Variants in IQCJ observed in about 807,000 individuals in gnomAD.
The protein encoded by IQCJ is IQ motif containing J.
Under a neutral mutation model 11.0 loss-of-function variants are expected in IQCJ, and 9 were observed. The ratio of observed to expected loss-of-function variants is 0.82; its 90% CI spans 0.49 to 1.43. The LOEUF is 1.43. Among genes scored for constraint, IQCJ ranks in the 40% most tolerant of loss-of-function variants. IQCJ has a pLI of 0.00. For missense variants in IQCJ, 146 were observed against 133.2 expected, an observed-to-expected ratio of 1.10 and a Z score of -0.47; for synonymous variants, 55 against 51.3, an observed-to-expected ratio of 1.07 and a Z score of -0.31.
chr3:159,135,842 A>G (rs1380004823), intron 1 of IQCJ, among the ~76,000 whole-genome samples: 1 of 152,196 alleles, frequency 6.6e-6, no homozygotes, highest in Non-Finnish European at 1.5e-5. Context: ...ACCCACATTC[A>G]TGCTTGGTGG....
chr3:159,092,454 C>T, intron 1 of IQCJ, among the ~76,000 whole-genome samples: 1 of 151,844 alleles, frequency 6.6e-6, no homozygotes, highest in East Asian at 1.9e-4. Context: ...AATCCCAGCA[C>T]TTTGGGAGGC....
At chr3:159,248,019 G>T (rs1005671224) in intron 2 of IQCJ, among the ~76,000 whole-genome samples, 1 of 152,134 alleles carries the variant, frequency 6.6e-6, no homozygotes, top group African/African-American at 2.4e-5. Context: ...CTGAAATGTT[G>T]TTAAAAAATA....
chr3:159,239,750 T>A (rs1035158409), intron 1 of IQCJ, among the ~76,000 whole-genome samples: 2 of 152,184 alleles, frequency 1.3e-5, no homozygotes, highest in African/African-American at 4.8e-5. Context: ...ATTACAAAGG[T>A]TGCAATACAA....
chr3:159,169,802 G>A (rs1355003522), intron 1 of IQCJ, among the ~76,000 whole-genome samples: 1 of 152,178 alleles, frequency 6.6e-6, no homozygotes, highest in Non-Finnish European at 1.5e-5. Flanking sequence ...CACTGCAAGA[G>A]GGTGGGAAGA....
chr3:159,259,076 C>T (rs1282786764), intron 3 of IQCJ, among the ~76,000 whole-genome samples: 1 of 152,198 alleles, frequency 6.6e-6, no homozygotes, highest in Admixed American at 6.5e-5. Context: ...GAACCCTCTC[C>T]TCTCCTCTTC....
intron 1 of IQCJ, among the ~76,000 whole-genome samples, chr3:159,091,976 A>G (rs1440106542): frequency 6.6e-6 from 1 of 151,778 alleles, no homozygotes; most frequent in Non-Finnish European, 1.5e-5. Context: ...AAGAGTGTCA[A>G]TGGATGCTAA....
intron 1 of IQCJ, among the ~76,000 whole-genome samples, chr3:159,094,572 TTG>T (rs1717593248): frequency 6.6e-6 from 1 of 151,690 alleles, no homozygotes; most frequent in African/African-American, 2.4e-5. Flanking sequence ...TCCTTCAATG[TTG>T]TCTTTCTTTG....
At chr3:159,202,565 G>C (rs933364343) in intron 1 of IQCJ, among the ~76,000 whole-genome samples, 13 of 152,158 alleles carry the variant, frequency 8.5e-5, no homozygotes, top group Non-Finnish European at 1.5e-4. Flanking sequence ...TTCCTTCATG[G>C]TTCCTCTTGG....
chr3:159,088,778 C>G (rs9860410), intron 1 of IQCJ, among the ~76,000 whole-genome samples: 7,347 of 151,958 alleles, frequency 0.048, 562 homozygotes, highest in African/African-American at 0.17. Flanking sequence ...CTTGGTAGAT[C>G]TTCCTCCATC....
chr3:159,215,193 ATG>A (rs1725159257), intron 1 of IQCJ, among the ~76,000 whole-genome samples: 1 of 152,188 alleles, frequency 6.6e-6, no homozygotes, highest in South Asian at 2.1e-4. Flanking sequence ...TCATGGAGAA[ATG>A]TGGCTGAGAC....
intron 1 of IQCJ, among the ~76,000 whole-genome samples, chr3:159,213,685 G>T (rs910070169): frequency 6.6e-6 from 1 of 152,122 alleles, no homozygotes; most frequent in Non-Finnish European, 1.5e-5. Flanking sequence ...ATGCTATTTT[G>T]CTGCATAATT....
chr3:159,259,031 C>T (rs1015410139), intron 3 of IQCJ, among the ~76,000 whole-genome samples: 1 of 152,190 alleles, frequency 6.6e-6, no homozygotes, highest in South Asian at 2.1e-4. Flanking sequence ...TACTAGGACT[C>T]CCTCAAGCCT....
At chr3:159,175,394 C>T (rs1235601479) in intron 1 of IQCJ, among the ~76,000 whole-genome samples, 1 of 152,098 alleles carries the variant, frequency 6.6e-6, no homozygotes, top group Non-Finnish European at 1.5e-5. Context: ...TCACTTGAGC[C>T]CAGGAAGTCA....
chr3:159,262,808 T>C lies in IQCJ; in HGVS notation c.*77T>C. On this transcript the variant is annotated 3_prime_UTR_variant, in exon 4 of 4. Transcript: ENST00000397832. ...TTGTGACAGTGAAGATCTATGTAGC[T>C]TATTTGCTACCCAGGAACCCATGGT... 6.6e-7 allele frequency: 1 copy of C among 1,515,458 alleles called. No homozygotes were observed. The highest frequency in any genetic ancestry group is 2.3e-5 in the East Asian group (1 of 43,792). The allele number at this position is 1,515,458 out of a possible 1,614,324, so 93.9% of individuals were successfully genotyped here.
intron 1 of IQCJ, among the ~76,000 whole-genome samples, chr3:159,169,279 CTTTTTTTTTTTTTT>C (rs141888128): frequency 3.5e-5 from 2 of 56,404 alleles, no homozygotes; most frequent in Non-Finnish European, 6.2e-5. Context: ...TTCTTTCTTT[CTTTTTTTTTTTTTT>C]TTTTTTTTTG....
intron 1 of IQCJ, among the ~76,000 whole-genome samples, chr3:159,166,133 T>C (rs1196946450): frequency 6.6e-6 from 1 of 151,972 alleles, no homozygotes; most frequent in Non-Finnish European, 1.5e-5. Flanking sequence ...TAAGCAACCG[T>C]TTCCACTGTT....
chr3:159,088,168 C>A (rs561784838), intron 1 of IQCJ, among the ~76,000 whole-genome samples: 1 of 152,200 alleles, frequency 6.6e-6, no homozygotes, highest in Non-Finnish European at 1.5e-5. Context: ...GCCTTCATTT[C>A]CTTATGTACC....
At chr3:159,191,783 G>A (rs957002724) in intron 1 of IQCJ, among the ~76,000 whole-genome samples, 8 of 152,198 alleles carry the variant, frequency 5.3e-5, no homozygotes, top group Admixed American at 1.3e-4. Flanking sequence ...TTAGTATAAA[G>A]CCATTCTGGA....
intron 2 of IQCJ, among the ~76,000 whole-genome samples, chr3:159,250,688 G>A (rs1343606396): frequency 1.3e-5 from 2 of 152,178 alleles, no homozygotes; most frequent in Middle Eastern, 3.2e-3. Flanking sequence ...CATGAGAACA[G>A]TGTGGGGGAA....
Sources: gnomAD v4.1 joint callset for allele counts (sites outside exome capture counted in the v4.1 genomes callset) on GRCh38, gnomAD v4.1.1 for gene constraint, MANE v1.5 for transcripts, NCBI Gene and HGNC (gene_info 2026-07-23, HGNC 2026-07-21) for gene names.